The following RNF19B variants were observed in gnomAD, a reference collection of about 807,000 sequenced individuals.
The protein encoded by RNF19B is E3 ubiquitin-protein ligase RNF19B.
Under a neutral mutation model 65.5 loss-of-function variants are expected in RNF19B, and 23 were observed. The observed-to-expected ratio is 0.35, with a 90% confidence interval of 0.25 to 0.50. RNF19B has a LOEUF of 0.50. Ranked by LOEUF, RNF19B falls within the 20% of genes least tolerant of loss-of-function variation. RNF19B has a pLI of 0.98. For missense variants in RNF19B, 794 were observed against 980.0 expected, an observed-to-expected ratio of 0.81 and a Z score of 2.53; for synonymous variants, 372 against 379.6, an observed-to-expected ratio of 0.98 and a Z score of 0.23.
At chr1:32,935,284 C>G (rs553467730), downstream of RNF19B, among the ~76,000 whole-genome samples, 128 of 152,054 alleles carry the variant, frequency 8.4e-4, no homozygotes, top group African/African-American at 3.0e-3. Context: ...ATTACAGACA[C>G]ATGCCACCAG....
chr1:32,960,822 C>T (rs184724049), intron 1 of RNF19B, among the ~76,000 whole-genome samples: 5 of 152,022 alleles, frequency 3.3e-5, no homozygotes, highest in African/African-American at 1.2e-4. Context: ...CACAGGGAGA[C>T]CCTATCTCTA....
At chr1:32,945,480 TGA>T (rs1570094431) in intron 5 of RNF19B, 32 bp downstream of exon 5, 1 of 1,363,566 alleles carries the variant, frequency 7.3e-7, no homozygotes, top group African/African-American at 1.4e-5. Context: ...GTCAGAAAGC[TGA>T]GAGAGAAGAG....
intron 1 of RNF19B, among the ~76,000 whole-genome samples, chr1:32,959,417 G>A (rs1280359063): frequency 6.6e-6 from 1 of 152,136 alleles, no homozygotes; most frequent in Non-Finnish European, 1.5e-5. Context: ...TACTTGAGAG[G>A]AAAACATTAC....
downstream of RNF19B, among the ~76,000 whole-genome samples, chr1:32,934,483 C>T (rs544353637): frequency 1.4e-4 from 22 of 152,188 alleles, no homozygotes; most frequent in Admixed American, 1.2e-3. Context: ...GAGTTCTAGA[C>T]CAGCCTGGCC....
At chr1:32,958,814 T>C (rs1331552904) in intron 1 of RNF19B, among the ~76,000 whole-genome samples, 1 of 152,082 alleles carries the variant, frequency 6.6e-6, no homozygotes, top group Non-Finnish European at 1.5e-5. Flanking sequence ...ACTCATCTTA[T>C]AGGTTAGGTA....
chr1:32,934,935 T>A (rs1211277174), downstream of RNF19B, among the ~76,000 whole-genome samples: 2 of 151,518 alleles, frequency 1.3e-5, no homozygotes, highest in Non-Finnish European at 2.9e-5. Flanking sequence ...CGAGTTCAAG[T>A]GATTCTCCTG....
Position 32,949,647 on chromosome 1 carries a change from G to C in RNF19B, c.763C>G (p.Arg255Gly). 2 of 1,613,834 alleles carry C rather than the reference G, an allele frequency of 1.2e-6. No individual in the cohort carries two copies. Among genetic ancestry groups the C allele is most frequent in the Non-Finnish European group, 8.5e-7 (1 of 1,180,002 alleles). Residue 255 changes from arginine to glycine, a missense_variant, in exon 2 of 9, where the codon CGT becomes GGT. Transcript: ENST00000235150. Reference sequence around the variant, plus strand: ...CGTAAAGTCTGGGCCCTCTGTTGACGGGCCATATCGCATGTCTGATTTGGA... The same window carrying C: ...CGTAAAGTCTGGGCCCTCTGTTGACCGGCCATATCGCATGTCTGATTTGGA... Reference protein sequence around the residue: ...WHPNQTCDMARQQRAQTLRVR... With the variant: ...WHPNQTCDMAGQQRAQTLRVR...
chr1:32,951,958 CTT>C (rs34442939), intron 1 of RNF19B, among the ~76,000 whole-genome samples: 56 of 123,142 alleles, frequency 4.5e-4, no homozygotes, highest in African/African-American at 4.9e-4. Context: ...CCACGCCCGG[CTT>C]TTTTTTTTTT....
At chr1:32,945,353 T>C (rs768250614) in intron 5 of RNF19B, among the ~76,000 whole-genome samples, 161 bp downstream of exon 5, 3 of 152,208 alleles carry the variant, frequency 2.0e-5, no homozygotes, top group Non-Finnish European at 4.4e-5. Context: ...TTGGTGTGCT[T>C]GAAAAACTTA....
chr1:32,943,603 C>T (rs569660893), intron 6 of RNF19B, among the ~76,000 whole-genome samples: 4 of 151,134 alleles, frequency 2.6e-5, no homozygotes, highest in Non-Finnish European at 4.4e-5. Context: ...GTGACAGAGA[C>T]TCCGTCTCAA....
At chr1:32,948,604 G>A (rs1642421641) in intron 2 of RNF19B, among the ~76,000 whole-genome samples, 1 of 152,118 alleles carries the variant, frequency 6.6e-6, no homozygotes, top group Non-Finnish European at 1.5e-5. Flanking sequence ...ATCTTACACA[G>A]CACTTGAACC....
At chr1:32,948,429 G>T (rs1282699648) in intron 2 of RNF19B, 66 bp from the exon 3 acceptor site, 2 of 1,518,134 alleles carry the variant, frequency 1.3e-6, no homozygotes, top group Non-Finnish European at 1.8e-6. Context: ...TGATTTAATT[G>T]TTCCTAGGAG....
At chr1:32,938,140 C>CAAAAAAAAAAAAAAAA (rs80176999) in intron 8 of RNF19B, among the ~76,000 whole-genome samples, 488 of 44,724 alleles carry the variant, frequency 0.011, no homozygotes, top group Middle Eastern at 0.032. Context: ...CCAAGAAAGA[C>CAAAAAAAAAAAAAAAA]AAAAAAAAAA....
rs549573829 is a variant in RNF19B at position 32,949,933 on chromosome 1, T to C, written c.636-159A>G. On this transcript the variant is annotated intron_variant, in intron 1 of 8. Coordinates refer to ENST00000235150, the MANE Select transcript of RNF19B (RefSeq NM_001300826.2). The stretch of plus-strand genomic sequence containing the variant: ...ACACATATACACACACAAGCACATT[T>C]GACCAACTGTAAAATATATCCCATG... Among the ~76,000 whole-genome samples, 10 of 152,174 alleles carry C rather than the reference T, an allele frequency of 6.6e-5. No homozygotes were observed. The South Asian group carries it at 1.9e-3, about 28-fold the overall frequency.
chr1:32,929,340 A>G, the RNF19B span, among the ~76,000 whole-genome samples: 32 of 152,280 alleles, frequency 2.1e-4, no homozygotes, highest in Admixed American at 7.2e-4. Context: ...TCTTAATTAT[A>G]TCTGCAACAA....
chr1:32,946,922 C>T (rs1395455316), intron 3 of RNF19B, among the ~76,000 whole-genome samples: 1 of 152,220 alleles, frequency 6.6e-6, no homozygotes, highest in Non-Finnish European at 1.5e-5. Context: ...AGACACACTG[C>T]ACCCTGCACT....
chr1:32,955,331 T>C (rs56192419), intron 1 of RNF19B, among the ~76,000 whole-genome samples: 2,403 of 152,180 alleles, frequency 0.016, 37 homozygotes, highest in Middle Eastern at 0.054. Flanking sequence ...ATTGGCTTAT[T>C]ATATGCCAGG....
rs1233865327 is a variant in RNF19B at position 32,936,769 on chromosome 1, C to T, written c.*37G>A. 1.4e-6 allele frequency: 2 copies of T among 1,447,990 alleles called. No individual in the cohort carries two copies. Among genetic ancestry groups the T allele is most frequent in the East Asian group, 2.4e-5 (1 of 42,542 alleles). 89.7% of individuals were successfully genotyped at this position (1,447,990 alleles called of 1,614,324 possible). On this transcript the variant is annotated 3_prime_UTR_variant, in exon 9 of 9. Transcript: ENST00000235150. ...AAAAAAATTCCAAAAGATGCAGTTA[C>T]AAGTGTGCTTCTCAGAACAGGAGCA...
downstream of RNF19B, among the ~76,000 whole-genome samples, chr1:32,932,796 T>C (rs1642042669): frequency 6.6e-6 from 1 of 152,220 alleles, no homozygotes; most frequent in Admixed American, 6.5e-5. Flanking sequence ...TTTGACCTAA[T>C]CCACTACTCT....
Sources: gnomAD v4.1 joint callset for allele counts (sites outside exome capture counted in the v4.1 genomes callset) on GRCh38, gnomAD v4.1.1 for gene constraint, MANE v1.5 for transcripts, NCBI Gene and HGNC (gene_info 2026-07-23, HGNC 2026-07-21) for gene names.